Variants in TRAF3IP1 observed in about 807,000 individuals in gnomAD.
TRAF3IP1 encodes the protein intraflagellar transport 54, also known as TRAF3-interacting protein 1.
TRAF3IP1 carries 53 observed loss-of-function variants against 89.9 expected under a neutral mutation model. The ratio of observed to expected loss-of-function variants is 0.59; its 90% confidence interval spans 0.47 to 0.74. The LOEUF is 0.74. TRAF3IP1 is among the 30% of genes least tolerant of loss of function. The pLI, the probability that TRAF3IP1 is intolerant of heterozygous loss-of-function variation, is 0.00. For synonymous variants in TRAF3IP1, 311 were observed against 322.1 expected, an observed-to-expected ratio of 0.97 and a Z score of 0.37; for missense variants, 806 against 866.1, an observed-to-expected ratio of 0.93 and a Z score of 0.87.
At chr2:238,374,822 A>C (rs189506605) in intron 15 of TRAF3IP1, among the ~76,000 whole-genome samples, 1 of 151,674 alleles carries the variant, frequency 6.6e-6, no homozygotes, top group African/African-American at 2.4e-5. Flanking sequence ...TTATTGGTCT[A>C]TTCATATATT....
chr2:238,393,918 AG>A (rs1484272956), intron 15 of TRAF3IP1, among the ~76,000 whole-genome samples: 1 of 152,200 alleles, frequency 6.6e-6, no homozygotes, highest in Non-Finnish European at 1.5e-5. Context: ...AAAGACTTGA[AG>A]CCTACGCGGT....
At chr2:238,328,661 C>A (rs1285864239) in intron 3 of TRAF3IP1, 25 bp from the exon 4 acceptor site, 2 of 1,609,042 alleles carry the variant, frequency 1.2e-6, no homozygotes, top group Non-Finnish European at 8.5e-7. Flanking sequence ...CCTAACACCT[C>A]ATTTCCTTCC....
At position 238,347,610 on chromosome 2, in the gene TRAF3IP1, C is replaced by CT. The variant is rs1366036696; in HGVS notation, c.1282+136dup. 3.6e-5 allele frequency: 30 copies of CT among 829,550 alleles called. No homozygotes were observed. In the East Asian group the frequency reaches 7.7e-4, roughly 21 times the overall value. 51.4% of individuals were successfully genotyped at this position (829,550 alleles called of 1,614,324 possible). A position where few individuals can be genotyped will look rare whatever the true frequency, so the allele number is the denominator to read the frequency against. On this transcript the variant is annotated intron_variant, in intron 10 of 16. Coordinates refer to ENST00000373327, the MANE Select transcript of TRAF3IP1 (RefSeq NM_015650.4). The stretch of plus-strand genomic sequence containing the variant: ...CTTATTTTATGGAAAAAGATCATAA[C>CT]TACCCTAATGTATTTATTTATTTAT...
Position 238,320,952 on chromosome 2 carries a change from G to A in TRAF3IP1, c.123+167G>A, listed in dbSNP as rs1436414874. The stretch of plus-strand genomic sequence containing the variant: ...GGGGCCCGGGCCGGGTGTGAACCGG[G>A]TGTGGGCCGGGCTCGGGGTGCAGGT... On this transcript the variant is annotated intron_variant, in intron 1 of 16. Transcript: ENST00000373327. The A allele has an allele frequency of 8.9e-6, 4 of 447,230 alleles. No individual in the cohort carries two copies. The South Asian group carries it at 3.2e-4, about 35-fold the overall frequency. 27.7% of individuals were successfully genotyped at this position (447,230 alleles called of 1,614,324 possible). A position where few individuals can be genotyped will look rare whatever the true frequency, so the allele number is the denominator to read the frequency against.
intron 15 of TRAF3IP1, among the ~76,000 whole-genome samples, chr2:238,367,163 CAAAA>C (rs33964253): frequency 1.9e-4 from 7 of 36,160 alleles, no homozygotes; most frequent in East Asian, 1.5e-3. Context: ...GACTCTGTCT[CAAAA>C]AAAAAAAAAA....
chr2:238,395,852 T>C (rs1701191530), intron 15 of TRAF3IP1, among the ~76,000 whole-genome samples: 1 of 152,252 alleles, frequency 6.6e-6, no homozygotes, highest in African/African-American at 2.4e-5. Context: ...CCAGTTAGAA[T>C]GGCGATCATT....
Position 238,385,529 on chromosome 2 carries a change from A to C in TRAF3IP1, c.1690-11930A>C, listed in dbSNP as rs978941203. ...GAAAACACCTGTGTCAACAGTCAAC[A>C]TCGTATGTAATAGTGAGTGGCTGGA... is the stretch of plus-strand genomic sequence containing the variant. On this transcript the variant is annotated intron_variant, in intron 15 of 16. Coordinates refer to ENST00000373327, the MANE Select transcript of TRAF3IP1 (RefSeq NM_015650.4). Among the ~76,000 whole-genome samples, 3 of 152,248 alleles carry C rather than the reference A, an allele frequency of 2.0e-5. No homozygotes were observed. The East Asian group carries it at 5.8e-4, about 29-fold the overall frequency.
intron 5 of TRAF3IP1, among the ~76,000 whole-genome samples, chr2:238,331,495 A>C (rs1698122692): frequency 6.6e-6 from 1 of 152,098 alleles, no homozygotes; most frequent in Non-Finnish European, 1.5e-5. Context: ...ACAACAACAA[A>C]AAGAAATTTT....
intron 15 of TRAF3IP1, among the ~76,000 whole-genome samples, chr2:238,396,592 A>G (rs145033750): frequency 6.6e-6 from 1 of 152,274 alleles, no homozygotes; most frequent in Non-Finnish European, 1.5e-5. Flanking sequence ...AATTTTCCCA[A>G]GCTTATTGAT....
intron 1 of TRAF3IP1, 80 bp from the exon 2 acceptor site, chr2:238,325,226 C>G: frequency 7.4e-7 from 1 of 1,344,740 alleles, no homozygotes; most frequent in Non-Finnish European, 1.1e-6. Flanking sequence ...TGACATCTCC[C>G]AAGTGTGGAG....
chr2:238,342,640 T>C (rs188749421), intron 8 of TRAF3IP1, among the ~76,000 whole-genome samples: 84 of 152,352 alleles, frequency 5.5e-4, no homozygotes, highest in African/African-American at 1.9e-3. Context: ...TTAGAGTGTT[T>C]TCTTCTAAAG....
chr2:238,385,835 A>G (rs1700745550), intron 15 of TRAF3IP1, among the ~76,000 whole-genome samples: 1 of 151,978 alleles, frequency 6.6e-6, no homozygotes, highest in African/African-American at 2.4e-5. Flanking sequence ...GCCTTCTTGC[A>G]CCGCTGTTTT....
intron 15 of TRAF3IP1, among the ~76,000 whole-genome samples, chr2:238,378,437 C>G (rs1348461125): frequency 6.6e-6 from 1 of 152,238 alleles, no homozygotes; most frequent in African/African-American, 2.4e-5. Flanking sequence ...TTTTTGGCAG[C>G]TGTTGAGATG....
intron 14 of TRAF3IP1, among the ~76,000 whole-genome samples, chr2:238,353,613 T>C (rs1433483633): frequency 6.6e-6 from 1 of 152,178 alleles, no homozygotes; most frequent in East Asian, 1.9e-4. Flanking sequence ...CACCAGGGTT[T>C]GAGTATCCTG....
At chr2:238,330,373 C>T (rs1352829444) in intron 5 of TRAF3IP1, among the ~76,000 whole-genome samples, 1 of 152,220 alleles carries the variant, frequency 6.6e-6, no homozygotes, top group Non-Finnish European at 1.5e-5. Context: ...CTGGACCCAC[C>T]ATGTGTGTTG....
chr2:238,322,547 G>C (rs551020637), intron 1 of TRAF3IP1, among the ~76,000 whole-genome samples: 1 of 152,198 alleles, frequency 6.6e-6, no homozygotes, highest in African/African-American at 2.4e-5. Context: ...AAAATTAGCT[G>C]AGTGTGGTGG....
intron 14 of TRAF3IP1, among the ~76,000 whole-genome samples, chr2:238,354,335 T>G (rs938746030): frequency 1.3e-5 from 2 of 152,230 alleles, no homozygotes; most frequent in Admixed American, 6.5e-5. Flanking sequence ...CTGGGTTGCT[T>G]CTTGTTTCCA....
At chr2:238,374,181 G>A (rs1700222443) in intron 15 of TRAF3IP1, among the ~76,000 whole-genome samples, 1 of 152,184 alleles carries the variant, frequency 6.6e-6, no homozygotes, top group South Asian at 2.1e-4. Flanking sequence ...AATAGGAGTG[G>A]TGAGAGAGGG....
At chr2:238,382,162 C>T (rs1700577700) in intron 15 of TRAF3IP1, among the ~76,000 whole-genome samples, 2 of 152,040 alleles carry the variant, frequency 1.3e-5, no homozygotes, top group East Asian at 1.9e-4. Context: ...ACAGAGAGCC[C>T]GGGTGTGATG....
Sources: gnomAD v4.1 joint callset for allele counts (sites outside exome capture counted in the v4.1 genomes callset) on GRCh38, gnomAD v4.1.1 for gene constraint, MANE v1.5 for transcripts, NCBI Gene and HGNC (gene_info 2026-07-23, HGNC 2026-07-21) for gene names.